Variants in REV1 observed in about 807,000 individuals in gnomAD.
The protein encoded by REV1 is REV1 DNA directed polymerase, also known as translesion synthesis protein REV1.
Under a neutral mutation model 137.4 loss-of-function variants are expected in REV1, and 42 were observed. The observed-to-expected ratio is 0.31, with a 90% confidence interval of 0.24 to 0.40. REV1 has a LOEUF of 0.40. REV1 is among the 10% of genes least tolerant of loss of function. The pLI, the probability that REV1 is intolerant of heterozygous loss-of-function variation, is 1.00. For synonymous variants in REV1, 524 were observed against 519.2 expected, an observed-to-expected ratio of 1.01 and a Z score of -0.12; for missense variants, 1,282 against 1,490.1, an observed-to-expected ratio of 0.86 and a Z score of 2.30.
intron 1 of REV1, among the ~76,000 whole-genome samples, chr2:99,485,316 T>C (rs1452866302): frequency 6.6e-6 from 1 of 152,168 alleles, no homozygotes; most frequent in African/African-American, 2.4e-5. Flanking sequence ...TTTCTGTATC[T>C]GCTAAAGAAA....
chr2:99,473,770 A>C (rs1409689494), intron 1 of REV1, among the ~76,000 whole-genome samples: 1 of 152,230 alleles, frequency 6.6e-6, no homozygotes, highest in African/African-American at 2.4e-5. Flanking sequence ...TCAATCTATC[A>C]AAGTGGCACA....
intron 22 of REV1, among the ~76,000 whole-genome samples, 180 bp downstream of exon 22, chr2:99,402,064 T>C (rs572931795): frequency 5.3e-5 from 8 of 152,308 alleles, no homozygotes; most frequent in African/African-American, 1.7e-4. Flanking sequence ...ATGTAAGACC[T>C]TGAGGGCAAC....
At chr2:99,479,067 T>A (rs1686290722) in intron 1 of REV1, among the ~76,000 whole-genome samples, 1 of 152,102 alleles carries the variant, frequency 6.6e-6, no homozygotes, top group Non-Finnish European at 1.5e-5. Flanking sequence ...CAGTTGCTCA[T>A]ACCTGTAATC....
intron 1 of REV1, among the ~76,000 whole-genome samples, chr2:99,480,208 A>G (rs1686468532): frequency 6.6e-6 from 1 of 152,104 alleles, no homozygotes. Flanking sequence ...CCATGGCCAC[A>G]GCTACTTGGG....
chr2:99,445,601 T>C (rs1682097872), intron 4 of REV1, among the ~76,000 whole-genome samples: 1 of 152,230 alleles, frequency 6.6e-6, no homozygotes. Flanking sequence ...TAGCAGCTTC[T>C]CATCTATTCC....
At chr2:99,456,426 C>T (rs1421205476) in intron 3 of REV1, among the ~76,000 whole-genome samples, 3 of 152,154 alleles carry the variant, frequency 2.0e-5, no homozygotes, top group Middle Eastern at 6.8e-3. Flanking sequence ...GGTTAGAGAG[C>T]GACTGGAGGG....
In REV1 at chr2:99,402,813, C is replaced by A. The variant is rs1483996955; in HGVS notation, c.3385-13G>T. 5 of 1,613,954 alleles carry A rather than the reference C, an allele frequency of 3.1e-6. No homozygotes were observed. The highest frequency in any genetic ancestry group is 4.2e-6 in the Non-Finnish European group (5 of 1,179,924). On this transcript the variant is annotated splice_polypyrimidine_tract_variant and intron_variant, in intron 20 of 22. Coordinates refer to ENST00000258428, the MANE Select transcript of REV1 (RefSeq NM_016316.4). ...CAGAGAGTTCTTCCTGTTAAGAAAA[C>A]AAAGGATAAAATTGCTATATTCACA... is the stretch of plus-strand genomic sequence containing the variant.
intron 9 of REV1, among the ~76,000 whole-genome samples, chr2:99,426,990 C>T (rs951972747): frequency 6.6e-6 from 1 of 152,124 alleles, no homozygotes; most frequent in Non-Finnish European, 1.5e-5. Context: ...CAAGACCAGC[C>T]TGGCCAACAT....
chr2:99,404,426 T>C lies in REV1; in HGVS notation c.3045+18A>G. ...AGAATATTGAAACTACAGCAGAGGG[T>C]TCCCATATTTAACTTACCTGTGAAA... On this transcript the variant is annotated intron_variant, in intron 18 of 22. Transcript: ENST00000258428. 1.9e-6 allele frequency: 3 copies of C among 1,597,032 alleles called. No individual in the cohort carries two copies. Among genetic ancestry groups the C allele is most frequent in the African/African-American group, 1.3e-5 (1 of 74,328 alleles).
chr2:99,467,155 GTAACGT>G (rs1351399744), intron 1 of REV1, among the ~76,000 whole-genome samples: 1 of 152,078 alleles, frequency 6.6e-6, no homozygotes, highest in Non-Finnish European at 1.5e-5. Flanking sequence ...ATCCAGTTGT[GTAACGT>G]CTGTTGTATA....
At chr2:99,458,623 C>T (rs1157405220) in intron 3 of REV1, among the ~76,000 whole-genome samples, 1 of 152,142 alleles carries the variant, frequency 6.6e-6, no homozygotes, top group African/African-American at 2.4e-5. Flanking sequence ...TCATAGCCTA[C>T]CAAGAAATAA....
chr2:99,436,737 CTAT>C (rs995541307), intron 6 of REV1: 2 of 152,180 alleles, frequency 1.3e-5, no homozygotes, highest in African/African-American at 4.8e-5. Context: ...GAGCTTTCCT[CTAT>C]TATCAGTCTC....
rs756401282 is a variant in REV1, at chr2:99,412,788, A to G, written c.2115T>C (p.Thr705=). The G allele has an allele frequency of 1.9e-6, 3 of 1,614,118 alleles. No individual in the cohort carries two copies. The highest frequency in any genetic ancestry group is 1.6e-4 in the Middle Eastern group (1 of 6,062). Residue 705 remains threonine (T), a synonymous_variant, in exon 13 of 23, where the codon ACT becomes ACC. Transcript: ENST00000258428. ...CTGAAACAGATTTTCTTTCCTTTTC[A>G]GTTCGAACTGGTCTATCATCCAAGC... is the stretch of plus-strand genomic sequence containing the variant. ...CRGLDDRPVR[T]EKERKSVSAE...
In REV1 at chr2:99,401,295, G is replaced by A. The variant is rs1675362435; in HGVS notation, c.3702C>T (p.Asp1234=). 1.9e-6 allele frequency: 3 copies of A among 1,613,690 alleles called. No homozygotes were observed. Among genetic ancestry groups the A allele is most frequent in the Non-Finnish European group, 2.5e-6 (3 of 1,179,838 alleles). ...VWNMAFDFIL[D]NVQVVLQQTY... ...TTTGTTGTAAAACCACCTGGACATT[G>A]TCAAGAATAAAGTCAAATGCCATAT... Residue 1234 remains aspartate (D), a synonymous_variant, in exon 23 of 23, where the codon GAC becomes GAT. Transcript: ENST00000258428.
chr2:99,435,927 A>G lies in REV1; in HGVS notation c.1228T>C (p.Leu410=). 6.3e-7 allele frequency: 1 copy of G among 1,581,424 alleles called. No individual in the cohort carries two copies. Among genetic ancestry groups the G allele is most frequent in the Admixed American group, 1.7e-5 (1 of 58,930 alleles). ...CAGCTCTGATGTCTGGGAGAATTCA[A>G]TACTGACATATCTCCTAGAAGGAAA... ...VVTDTGDMSV[L]NSPRHQSCIM... Residue 410 remains leucine, a synonymous_variant, in exon 7 of 23, where the codon TTG becomes CTG. Coordinates refer to ENST00000258428, the MANE Select transcript of REV1 (RefSeq NM_016316.4).
At chr2:99,447,297 C>T (rs1010843803) in intron 4 of REV1, among the ~76,000 whole-genome samples, 3 of 152,034 alleles carry the variant, frequency 2.0e-5, no homozygotes, top group East Asian at 3.9e-4. Context: ...CTCAGCCTCC[C>T]GGGTAGCTGG....
At chr2:99,489,069 G>A (rs1382684759) in intron 1 of REV1, among the ~76,000 whole-genome samples, 4 of 152,204 alleles carry the variant, frequency 2.6e-5, no homozygotes, top group African/African-American at 7.2e-5. Context: ...CTGAGAATAG[G>A]TAGGAAGAGC....
At chr2:99,450,217 T>C (rs368331697) in intron 3 of REV1, among the ~76,000 whole-genome samples, 6 of 152,292 alleles carry the variant, frequency 3.9e-5, no homozygotes, top group East Asian at 1.9e-4. Context: ...AAATATCTTA[T>C]ATGTCTTAAA....
chr2:99,485,432 AG>A (rs1458774622), intron 1 of REV1, among the ~76,000 whole-genome samples: 2 of 152,240 alleles, frequency 1.3e-5, no homozygotes, highest in East Asian at 1.9e-4. Context: ...CAGTGAAAGA[AG>A]GGAGAAACTG....
Sources: allele counts gnomAD v4.1 joint callset (sites outside exome capture counted in the v4.1 genomes callset), GRCh38; gene constraint gnomAD v4.1.1; transcripts MANE v1.5; gene names NCBI Gene and HGNC (gene_info 2026-07-23, HGNC 2026-07-21).